The following SCYL2 variants were observed in gnomAD, a reference collection of about 807,000 sequenced individuals.
SCYL2 encodes SCY1-like protein 2.
Under a neutral mutation model 100.4 loss-of-function variants are expected in SCYL2, and 36 were observed. That is an observed-to-expected ratio of 0.36 (90% CI 0.27 to 0.47). SCYL2 has a LOEUF of 0.47. SCYL2 is among the 20% of genes least tolerant of loss of function. The pLI is 1.00. For missense variants in SCYL2, 902 were observed against 1,083.9 expected (o/e 0.83, Z 2.36); for synonymous variants, 330 against 359.2 (o/e 0.92, Z 0.92).
At chr12:100,316,137 T>A (rs145712114) in intron 9 of SCYL2, among the ~76,000 whole-genome samples, 2 of 152,380 alleles carry the variant, frequency 1.3e-5, no homozygotes, top group Non-Finnish European at 2.9e-5. Context: ...ATGTAGGTGC[T>A]TTGTGCCAGT....
At chr12:100,277,351 A>G (rs1200047981) in intron 1 of SCYL2, among the ~76,000 whole-genome samples, 1 of 152,006 alleles carries the variant, frequency 6.6e-6, no homozygotes, top group African/African-American at 2.4e-5. Flanking sequence ...CTAAGTGAGA[A>G]CTCTTGAAGT....
At chr12:100,338,416 AC>A in intron 17 of SCYL2, 111 bp from the exon 18 acceptor site, 1 of 920,248 alleles carries the variant, frequency 1.1e-6, no homozygotes, top group Non-Finnish European at 1.6e-6. Flanking sequence ...TTTGGTGTAG[AC>A]CATTGAGCTT....
chr12:100,305,894 T>C (rs532786727), intron 4 of SCYL2, among the ~76,000 whole-genome samples: 6 of 151,374 alleles, frequency 4.0e-5, no homozygotes, highest in East Asian at 1.9e-4. Flanking sequence ...GCAAATAAAC[T>C]CGAAAATCAA....
At chr12:100,337,825 A>G (rs1445111099) in intron 17 of SCYL2, among the ~76,000 whole-genome samples, 2 of 152,170 alleles carry the variant, frequency 1.3e-5, no homozygotes, top group Non-Finnish European at 2.9e-5. Context: ...TCATGCTCTT[A>G]ACATATTTTT....
intron 2 of SCYL2, among the ~76,000 whole-genome samples, chr12:100,285,480 G>A (rs2096303534): frequency 6.6e-6 from 1 of 152,176 alleles, no homozygotes; most frequent in Non-Finnish European, 1.5e-5. Context: ...TGTGTTCATT[G>A]CCAAATAATT....
At chr12:100,275,251 G>T (rs2096291382) in intron 1 of SCYL2, among the ~76,000 whole-genome samples, 1 of 151,684 alleles carries the variant, frequency 6.6e-6, no homozygotes, top group Non-Finnish European at 1.5e-5. Context: ...ACCCAGGCTG[G>T]AGTGCATTAG....
At chr12:100,331,590 A>C (rs896937321) in intron 13 of SCYL2, among the ~76,000 whole-genome samples, 1 of 152,186 alleles carries the variant, frequency 6.6e-6, no homozygotes, top group African/African-American at 2.4e-5. Context: ...CCTGGATGAC[A>C]AAGCAAGACC....
chr12:100,304,365 A>C (rs1301956410), intron 4 of SCYL2, among the ~76,000 whole-genome samples: 2 of 151,886 alleles, frequency 1.3e-5, no homozygotes, highest in Admixed American at 6.6e-5. Flanking sequence ...TTTGTGCTTG[A>C]AACCCAGGGT....
At chr12:100,292,557 C>T (rs1057384398) in intron 3 of SCYL2, among the ~76,000 whole-genome samples, 2 of 152,204 alleles carry the variant, frequency 1.3e-5, no homozygotes, top group Admixed American at 6.5e-5. Flanking sequence ...TAACCACTTT[C>T]TACCATCTCA....
chr12:100,274,254 A>G (rs1233559151), intron 1 of SCYL2, among the ~76,000 whole-genome samples: 2 of 152,254 alleles, frequency 1.3e-5, no homozygotes, highest in Non-Finnish European at 2.9e-5. Flanking sequence ...TGTGTATCCA[A>G]TAATTTTGAA....
chr12:100,275,972 G>A (rs2096292098), intron 1 of SCYL2, among the ~76,000 whole-genome samples: 1 of 151,922 alleles, frequency 6.6e-6, no homozygotes, highest in Non-Finnish European at 1.5e-5. Context: ...TGAATTACAT[G>A]GATTCATTTT....
intron 10 of SCYL2, 88 bp downstream of exon 10, chr12:100,318,013 A>G: frequency 8.5e-7 from 1 of 1,173,336 alleles, no homozygotes; most frequent in South Asian, 1.9e-5. Context: ...GATTTAAGTC[A>G]TAAAATACAT....
intron 3 of SCYL2, 121 bp from the exon 4 acceptor site, chr12:100,297,910 C>T: frequency 2.4e-6 from 2 of 816,980 alleles, no homozygotes; most frequent in Non-Finnish European, 3.7e-6. Flanking sequence ...CTGAAATTAA[C>T]AAATGTAAAA....
At chr12:100,309,137 C>T (rs375357387) in intron 4 of SCYL2, among the ~76,000 whole-genome samples, 12 of 135,140 alleles carry the variant, frequency 8.9e-5, no homozygotes, top group South Asian at 2.2e-4. Context: ...TGTGTGTGCG[C>T]GCGCGTGTGT....
At chr12:100,308,635 A>G (rs1349751162) in intron 4 of SCYL2, among the ~76,000 whole-genome samples, 2 of 152,210 alleles carry the variant, frequency 1.3e-5, no homozygotes, top group Non-Finnish European at 2.9e-5. Context: ...CTTAAAGTGT[A>G]ATAATTAAAC....
At chr12:100,300,457 A>G (rs2096326245) in intron 4 of SCYL2, among the ~76,000 whole-genome samples, 2 of 152,184 alleles carry the variant, frequency 1.3e-5, no homozygotes, top group Non-Finnish European at 2.9e-5. Context: ...AAAATGGGGC[A>G]TCCATCTCCT....
At position 100,311,162 on chromosome 12, in the gene SCYL2, G is replaced by A; in HGVS notation, c.599G>A (p.Cys200Tyr). ...TGGAAAATAATGGGTTTTGATTTTT[G>A]TGTATCATCAACCAATCCTTCTGAA... ...GAWKIMGFDF[C>Y]VSSTNPSEQE... is the part of the protein sequence containing the mutation. The change falls in exon 5 of 18, where the codon TGT becomes TAT. Residue 200 changes from cysteine (C) to tyrosine (Y), a missense_variant. Transcript: ENST00000360820. The A allele has an allele frequency of 6.2e-7, 1 of 1,605,862 alleles. No individual in the cohort carries two copies. Among genetic ancestry groups the A allele is most frequent in the Non-Finnish European group, 8.5e-7 (1 of 1,177,656 alleles).
At position 100,339,337 on chromosome 12, in the gene SCYL2, T is replaced by A; in HGVS notation, c.*165T>A. 1 of 683,080 alleles carries A rather than the reference T, an allele frequency of 1.5e-6. No homozygotes were observed. Among genetic ancestry groups the A allele is most frequent in the East Asian group, 2.8e-5 (1 of 35,242 alleles). 42.3% of individuals were successfully genotyped at this position (683,080 alleles called of 1,614,324 possible). On this transcript the variant is annotated 3_prime_UTR_variant, in exon 18 of 18. Coordinates refer to ENST00000360820, the MANE Select transcript of SCYL2 (RefSeq NM_017988.6). ...CCAGCATAGTAGTTGTATGGACTTCTAACCAGTTGAGTTTTTTAAAGCATT... is the reference window on the plus strand; with the variant it reads ...CCAGCATAGTAGTTGTATGGACTTCAAACCAGTTGAGTTTTTTAAAGCATT...
At chr12:100,329,789 G>T (rs990371209) in intron 13 of SCYL2, among the ~76,000 whole-genome samples, 1 of 152,178 alleles carries the variant, frequency 6.6e-6, no homozygotes, top group Non-Finnish European at 1.5e-5. Flanking sequence ...TCAAGGCCCA[G>T]CTATGGAGTG....
Sources: gnomAD v4.1 joint callset for allele counts (sites outside exome capture counted in the v4.1 genomes callset) on GRCh38, gnomAD v4.1.1 for gene constraint, MANE v1.5 for transcripts, NCBI Gene and HGNC (gene_info 2026-07-23, HGNC 2026-07-21) for gene names.